The following DYNC1I1 variants were observed in gnomAD, a reference collection of about 807,000 sequenced individuals.
The protein encoded by DYNC1I1 is cytoplasmic dynein 1 intermediate chain 1.
Under a neutral mutation model 86.6 loss-of-function variants are expected in DYNC1I1, and 43 were observed. The observed-to-expected ratio is 0.50, with a 90% CI of 0.39 to 0.64. The LOEUF (loss-of-function observed/expected upper bound fraction) is 0.64, where lower values mean the gene tolerates loss of function less well. DYNC1I1 is among the 30% of genes least tolerant of loss of function. DYNC1I1 has a pLI of 0.00. For missense variants in DYNC1I1, 604 were observed against 788.8 expected, an observed-to-expected ratio of 0.77 and a Z score of 2.81; for synonymous variants, 262 against 283.7, an observed-to-expected ratio of 0.92 and a Z score of 0.77.
rs1323576102 is a variant in DYNC1I1 at position 95,847,421 on chromosome 7, A to G, written c.374+19305A>G. Among the ~76,000 whole-genome samples the G allele has an allele frequency of 2.6e-5, 4 of 152,006 alleles. 1 individual carries two copies. Among genetic ancestry groups the G allele is most frequent in the South Asian group, 4.2e-4 (2 of 4,814 alleles). ...TGCTTGTAGGTTGTTTCTCAATTCCATTTTCTCCACCCTCAGCTTCTAAGG... is the reference window on the plus strand; with the variant it reads ...TGCTTGTAGGTTGTTTCTCAATTCCGTTTTCTCCACCCTCAGCTTCTAAGG... On this transcript the variant is annotated intron_variant, in intron 5 of 16. Transcript: ENST00000447467.
chr7:95,998,098 T>A (rs1793915990), intron 10 of DYNC1I1, among the ~76,000 whole-genome samples: 1 of 152,194 alleles, frequency 6.6e-6, no homozygotes, highest in African/African-American at 2.4e-5. Flanking sequence ...TATTTTAAAT[T>A]TTCCCAACAC....
chr7:95,818,708 T>C, intron 4 of DYNC1I1: 3 of 429,754 alleles, frequency 7.0e-6, no homozygotes, highest in Non-Finnish European at 1.2e-5. Flanking sequence ...AAAATATAAA[T>C]GAGCAAAAAT....
rs538144950 is a variant in DYNC1I1, at chr7:96,014,096, G to C, written c.970-14079G>C. On this transcript the variant is annotated intron_variant, in intron 10 of 16. Transcript: ENST00000447467. ...CAGAGCAGGAAACAAACAGCTTAATGACATTCAAATCATTTTTTACTTAGG... is the reference window on the plus strand; with the variant it reads ...CAGAGCAGGAAACAAACAGCTTAATCACATTCAAATCATTTTTTACTTAGG... Among the ~76,000 whole-genome samples, 12 of 152,214 alleles carry C rather than the reference G, an allele frequency of 7.9e-5. No homozygotes were observed. The South Asian group carries it at 2.5e-3, about 32-fold the overall frequency.
intron 16 of DYNC1I1, among the ~76,000 whole-genome samples, chr7:96,082,313 TTTTCTTCCTTTCTTCC>T (rs1281007967): frequency 3.9e-5 from 6 of 152,148 alleles, no homozygotes; most frequent in Non-Finnish European, 7.4e-5. Context: ...TCTCTCTTTC[TTTTCTTCCTTTCTTCC>T]TTTCTTCCTT....
At chr7:95,907,880 T>C (rs182477558) in intron 6 of DYNC1I1, among the ~76,000 whole-genome samples, 1 of 152,098 alleles carries the variant, frequency 6.6e-6, no homozygotes, top group Non-Finnish European at 1.5e-5. Flanking sequence ...CATTGTCAAA[T>C]TGAGTTCTAT....
chr7:96,010,121 C>T (rs540792586), intron 10 of DYNC1I1, among the ~76,000 whole-genome samples: 9 of 152,076 alleles, frequency 5.9e-5, no homozygotes, highest in Admixed American at 2.6e-4. Context: ...ATGATAAATA[C>T]GACCTGTTCC....
intron 1 of DYNC1I1, among the ~76,000 whole-genome samples, chr7:95,780,107 C>T (rs1356236522): frequency 1.3e-5 from 2 of 152,140 alleles, no homozygotes; most frequent in Non-Finnish European, 2.9e-5. Context: ...GTAGAAGGGA[C>T]ATTTTGATTC....
At chr7:95,790,069 T>C (rs1794253783) in intron 1 of DYNC1I1, among the ~76,000 whole-genome samples, 1 of 152,160 alleles carries the variant, frequency 6.6e-6, no homozygotes, top group African/African-American at 2.4e-5. Context: ...ATTAATTATC[T>C]TGTCTTGTGC....
At chr7:96,086,837 G>A (rs536831963) in intron 16 of DYNC1I1, among the ~76,000 whole-genome samples, 2 of 152,070 alleles carry the variant, frequency 1.3e-5, no homozygotes, top group African/African-American at 2.4e-5. Flanking sequence ...TATTTGTAAC[G>A]CCAACAGGAA....
intron 4 of DYNC1I1, among the ~76,000 whole-genome samples, chr7:95,826,770 T>C (rs1795211641): frequency 6.6e-6 from 1 of 151,952 alleles, no homozygotes; most frequent in Non-Finnish European, 1.5e-5. Flanking sequence ...TTTGAGGAGG[T>C]AACATTTAAG....
chr7:96,023,310 AC>A (rs1794597945), intron 10 of DYNC1I1, among the ~76,000 whole-genome samples: 1 of 152,144 alleles, frequency 6.6e-6, no homozygotes, highest in Non-Finnish European at 1.5e-5. Flanking sequence ...TGAGAGCAGA[AC>A]CCTTATTTCT....
At chr7:95,852,906 T>C (rs1789618552) in intron 5 of DYNC1I1, among the ~76,000 whole-genome samples, 1 of 152,238 alleles carries the variant, frequency 6.6e-6, no homozygotes, top group Non-Finnish European at 1.5e-5. Flanking sequence ...ATTTCTTCTT[T>C]TTTGATGTAG....
chr7:95,815,327 T>A (rs1286728851), intron 4 of DYNC1I1, among the ~76,000 whole-genome samples: 2 of 152,184 alleles, frequency 1.3e-5, no homozygotes, highest in Non-Finnish European at 2.9e-5. Context: ...ATAGGAAAGT[T>A]CTTGCAAGAC....
At chr7:96,060,097 G>A (rs2116160833) in intron 14 of DYNC1I1, among the ~76,000 whole-genome samples, 1 of 152,276 alleles carries the variant, frequency 6.6e-6, no homozygotes, top group African/African-American at 2.4e-5. Flanking sequence ...AATGTGACAA[G>A]TGGATGCTTC....
At chr7:95,920,038 C>T (rs768222653) in intron 6 of DYNC1I1, among the ~76,000 whole-genome samples, 1 of 152,206 alleles carries the variant, frequency 6.6e-6, no homozygotes, top group Non-Finnish European at 1.5e-5. Flanking sequence ...TAGCTCCCCA[C>T]ACCTGAAGTG....
chr7:95,866,105 G>C (rs1280280114), intron 5 of DYNC1I1, among the ~76,000 whole-genome samples: 1 of 152,176 alleles, frequency 6.6e-6, no homozygotes, highest in Non-Finnish European at 1.5e-5. Flanking sequence ...GTGTTGTCTT[G>C]CTCTTCCTCC....
At chr7:95,933,832 A>G (rs948267983) in intron 6 of DYNC1I1, among the ~76,000 whole-genome samples, 6 of 152,078 alleles carry the variant, frequency 3.9e-5, no homozygotes, top group African/African-American at 1.4e-4. Context: ...CTCCTTGGCT[A>G]TTCTTAGCAG....
chr7:95,992,645 A>C (rs76497975), intron 9 of DYNC1I1, among the ~76,000 whole-genome samples: 1 of 151,128 alleles, frequency 6.6e-6, no homozygotes, highest in Admixed American at 6.6e-5. Flanking sequence ...TTTTTGACGG[A>C]GTCTTACTGT....
chr7:95,874,844 C>G (rs570775372), intron 6 of DYNC1I1, among the ~76,000 whole-genome samples: 1 of 152,270 alleles, frequency 6.6e-6, no homozygotes, highest in East Asian at 1.9e-4. Context: ...TTTAAGCCAC[C>G]CAGTTTATGC....
Sources: allele counts gnomAD v4.1 joint callset (sites outside exome capture counted in the v4.1 genomes callset), GRCh38; gene constraint gnomAD v4.1.1; transcripts MANE v1.5; gene names NCBI Gene and HGNC (gene_info 2026-07-23, HGNC 2026-07-21).